GLIS3: variants seen among roughly 807,000 people sequenced by gnomAD.
GLIS3 encodes GLIS family zinc finger 3.
GLIS3 carries 53 observed loss-of-function variants against 78.6 expected under a neutral mutation model. The observed-to-expected ratio is 0.67, with a 90% CI of 0.54 to 0.85. GLIS3 has a LOEUF of 0.85. GLIS3 is among the 40% of genes least tolerant of loss of function. GLIS3 has a pLI of 0.00. For synonymous variants in GLIS3, 684 were observed against 509.9 expected (o/e 1.34, Z -4.60); for missense variants, 1,703 against 1,231.1 (o/e 1.38, Z -5.74).
At chr9:4,141,355 C>T (rs968981892) in intron 2 of GLIS3, among the ~76,000 whole-genome samples, 2 of 152,134 alleles carry the variant, frequency 1.3e-5, no homozygotes, top group Admixed American at 6.5e-5. Context: ...GCCAGACCTT[C>T]GGGCCTGGGC....
intron 4 of GLIS3, among the ~76,000 whole-genome samples, chr9:4,100,592 C>A (rs1195435017): frequency 6.6e-6 from 1 of 152,104 alleles, no homozygotes; most frequent in African/African-American, 2.4e-5. Context: ...GATTCTGTGT[C>A]AAATTCTGAG....
In GLIS3 at chr9:4,286,529, T is replaced by TA; in HGVS notation, c.-98-7dup. On this transcript the variant is annotated splice_region_variant and splice_polypyrimidine_tract_variant and intron_variant, in intron 1 of 10. Coordinates refer to ENST00000381971, the MANE Select transcript of GLIS3 (RefSeq NM_001042413.2). ...CCATGGTGTGGGTTATAAGCCTGTT[T>TA]AAAAAAATAAACGCAGGCATTTTTA... The TA allele has an allele frequency of 2.9e-6, 4 of 1,373,912 alleles. No individual in the cohort carries two copies. Among genetic ancestry groups the TA allele is most frequent in the South Asian group, 1.2e-5 (1 of 82,798 alleles). The allele number at this position is 1,373,912 out of a possible 1,614,324, so 85.1% of individuals were successfully genotyped here.
intron 2 of GLIS3, among the ~76,000 whole-genome samples, chr9:4,279,245 C>T (rs1197170372): frequency 7.0e-6 from 1 of 142,638 alleles, no homozygotes; most frequent in African/African-American, 2.6e-5. Context: ...TTGCAGTGAG[C>T]CGAGATCGCG....
chr9:4,340,504 T>C (rs112584469), intron 2 of GLIS3, among the ~76,000 whole-genome samples: 1,584 of 152,230 alleles, frequency 0.01, 25 homozygotes, highest in African/African-American at 0.036. Flanking sequence ...TCCATCCCTG[T>C]TCTCCTTGCC....
chr9:4,331,438 C>T (rs2183409), intron 2 of GLIS3, among the ~76,000 whole-genome samples: 143,178 of 152,138 alleles, frequency 0.94, 67,973 homozygotes, highest in East Asian at 1. Context: ...ACATGAATTT[C>T]GGGGGGACAC....
chr9:3,832,304 T>C (rs1818095848), intron 9 of GLIS3, among the ~76,000 whole-genome samples: 1 of 151,882 alleles, frequency 6.6e-6, no homozygotes, highest in African/African-American at 2.4e-5. Flanking sequence ...AAAATAAAAG[T>C]TTATTGAGGA....
chr9:4,212,982 C>T (rs1820505269), intron 2 of GLIS3, among the ~76,000 whole-genome samples: 1 of 152,232 alleles, frequency 6.6e-6, no homozygotes, highest in Admixed American at 6.5e-5. Flanking sequence ...AACAGGAAGA[C>T]CCGTTCATTA....
chr9:3,871,912 G>C (rs1399877514), intron 8 of GLIS3, among the ~76,000 whole-genome samples: 5 of 152,170 alleles, frequency 3.3e-5, no homozygotes, highest in South Asian at 2.1e-4. Context: ...GCATTGCCAG[G>C]CTGCAAATTT....
At chr9:4,370,096 G>A in the GLIS3 span, among the ~76,000 whole-genome samples, 2 of 147,822 alleles carry the variant, frequency 1.4e-5, no homozygotes, top group African/African-American at 4.9e-5. Context: ...GGAGGCTGAG[G>A]CAGGAGAATC....
chr9:4,484,235 T>A, the GLIS3 span, among the ~76,000 whole-genome samples: 467 of 140,944 alleles, frequency 3.3e-3, 1 homozygote, highest in Admixed American at 5.0e-3. Context: ...AACTTTTTTT[T>A]TTTATTTTTT....
intron 7 of GLIS3, among the ~76,000 whole-genome samples, chr9:3,887,947 CCTTTTCTGT>C (rs1446418475): frequency 6.6e-6 from 1 of 152,170 alleles, no homozygotes; most frequent in East Asian, 1.9e-4. Context: ...AAATCTCCTA[CCTTTTCTGT>C]CTTTTCTCCA....
chr9:4,131,942 T>C (rs1377040405), intron 2 of GLIS3, among the ~76,000 whole-genome samples: 1 of 152,054 alleles, frequency 6.6e-6, no homozygotes, highest in Non-Finnish European at 1.5e-5. Flanking sequence ...CTAAAGAAAA[T>C]ATTCCTTTAT....
chr9:4,185,695 G>C (rs183751885), intron 2 of GLIS3, among the ~76,000 whole-genome samples: 2 of 152,330 alleles, frequency 1.3e-5, no homozygotes, highest in Admixed American at 1.3e-4. Context: ...ATAGCAGTCT[G>C]CCACCTTGAG....
chr9:4,151,037 G>A (rs1397908345), intron 2 of GLIS3: 3 of 152,142 alleles, frequency 2.0e-5, no homozygotes, highest in South Asian at 2.1e-4. Flanking sequence ...GGACAGGAGC[G>A]TCCATGAAGA....
chr9:4,164,527 A>C (rs1248803876), intron 2 of GLIS3, among the ~76,000 whole-genome samples: 2 of 152,158 alleles, frequency 1.3e-5, no homozygotes, highest in African/African-American at 4.8e-5. Flanking sequence ...TCGACTGTGA[A>C]AGGGTCAGAC....
At chr9:4,104,581 C>T (rs112051424) in intron 4 of GLIS3, among the ~76,000 whole-genome samples, 62 of 152,298 alleles carry the variant, frequency 4.1e-4, no homozygotes, top group African/African-American at 1.4e-3. Flanking sequence ...CTCCTCTACT[C>T]AAAAGCATCC....
chr9:4,425,944 CTG>C, the GLIS3 span, among the ~76,000 whole-genome samples: 6 of 152,194 alleles, frequency 3.9e-5, no homozygotes, highest in Non-Finnish European at 8.8e-5. Flanking sequence ...GGTGCTGACT[CTG>C]TGCTCAGAAC....
chr9:4,399,272 T>G, the GLIS3 span, among the ~76,000 whole-genome samples: 11 of 152,224 alleles, frequency 7.2e-5, no homozygotes, highest in African/African-American at 2.7e-4. Flanking sequence ...GTACCCCATG[T>G]ATATATTATT....
intron 4 of GLIS3, among the ~76,000 whole-genome samples, chr9:3,964,692 G>C (rs1279520088): frequency 6.6e-6 from 1 of 152,156 alleles, no homozygotes; most frequent in Admixed American, 6.5e-5. Flanking sequence ...AAGACACAGG[G>C]ACAGAATTTT....
Sources: gnomAD v4.1 joint callset for allele counts (sites outside exome capture counted in the v4.1 genomes callset) on GRCh38, gnomAD v4.1.1 for gene constraint, MANE v1.5 for transcripts, NCBI Gene and HGNC (gene_info 2026-07-23, HGNC 2026-07-21) for gene names.